Variants in DMD observed in about 807,000 individuals in gnomAD.
DMD encodes mutant dystrophin.
In DMD, 63 loss-of-function variants were observed where a neutral mutation model predicts 330.1. The ratio of observed to expected loss-of-function variants is 0.19; its 90% confidence interval spans 0.16 to 0.24. DMD has a LOEUF of 0.24. DMD is among the 10% of genes least tolerant of loss of function. The pLI is 1.00. For synonymous variants in DMD, 1,223 were observed against 959.8 expected (o/e 1.27, Z -5.07); for missense variants, 3,344 against 2,684.1 (o/e 1.25, Z -5.43).
intron 3 of DMD, among the ~76,000 whole-genome samples, chrX:32,848,122 G>C (rs754868296): frequency 8.9e-6 from 1 of 112,042 alleles, no homozygotes. Context: ...CAACACAGGA[G>C]AAGTGATCAC....
chrX:33,073,457 A>G (rs1389597033), intron 1 of DMD, among the ~76,000 whole-genome samples: 1 of 111,911 alleles, frequency 8.9e-6, no homozygotes, highest in Non-Finnish European at 1.9e-5. Context: ...CCAACTGCCA[A>G]TAAGTTTGAA....
At chrX:32,673,501 G>A (rs1394292572) in intron 9 of DMD, among the ~76,000 whole-genome samples, 1 of 111,658 alleles carries the variant, frequency 9.0e-6, no homozygotes, top group Non-Finnish European at 1.9e-5. Context: ...TAACGTGAAC[G>A]CCTTGAGAGG....
intron 34 of DMD, among the ~76,000 whole-genome samples, chrX:32,372,121 C>A (rs756578720): frequency 9.0e-6 from 1 of 111,281 alleles, no homozygotes; most frequent in East Asian, 2.8e-4. Flanking sequence ...AACATTTGAT[C>A]AGGTGATTAT....
At chrX:32,888,750 A>T (rs1362084727) in intron 2 of DMD, among the ~76,000 whole-genome samples, 2 of 111,897 alleles carry the variant, frequency 1.8e-5, no homozygotes, top group African/African-American at 6.5e-5. Flanking sequence ...CAAGATATGG[A>T]ATCAACCTAA....
At chrX:31,443,877 A>C (rs1030612725) in intron 60 of DMD, among the ~76,000 whole-genome samples, 1 of 111,793 alleles carries the variant, frequency 8.9e-6, no homozygotes, top group Middle Eastern at 4.2e-3. Context: ...TATCGTAAGA[A>C]TACTGCTACA....
chrX:33,026,709 A>G (rs1262975228), intron 1 of DMD, among the ~76,000 whole-genome samples: 1 of 111,837 alleles, frequency 8.9e-6, no homozygotes, highest in East Asian at 2.8e-4. Flanking sequence ...GGAGGTCTAA[A>G]ATAATTAAAC....
At chrX:33,284,168 G>A (rs189522131) in intron 1 of DMD, among the ~76,000 whole-genome samples, 4 of 110,607 alleles carry the variant, frequency 3.6e-5, no homozygotes, top group Non-Finnish European at 7.6e-5. Flanking sequence ...AATCATTTAT[G>A]TCTCTAGTTT....
At chrX:31,341,889 G>A (rs376062175) in intron 61 of DMD, among the ~76,000 whole-genome samples, 1,481 of 65,043 alleles carry the variant, frequency 0.023, 29 homozygotes, top group African/African-American at 0.08. Context: ...GCGTGCGCGC[G>A]CGCACACACA....
intron 63 of DMD, among the ~76,000 whole-genome samples, chrX:31,248,822 T>A (rs1282217947): frequency 3.6e-5 from 4 of 111,588 alleles, no homozygotes. Context: ...TCTGGCTAAC[T>A]GTGTCTCCTT....
intron 18 of DMD, among the ~76,000 whole-genome samples, chrX:32,515,098 A>G (rs2045727392): frequency 8.9e-6 from 1 of 111,769 alleles, no homozygotes; most frequent in African/African-American, 3.3e-5. Context: ...TGGGGGTACA[A>G]AAGAGGGATG....
intron 44 of DMD, among the ~76,000 whole-genome samples, chrX:32,126,301 T>C (rs889194790): frequency 1.8e-5 from 2 of 112,226 alleles, no homozygotes; most frequent in African/African-American, 3.2e-5. Flanking sequence ...TAAAATGGTC[T>C]GACACAGTGA....
At chrX:32,889,400 A>G (rs971081992) in intron 2 of DMD, among the ~76,000 whole-genome samples, 1 of 110,776 alleles carries the variant, frequency 9.0e-6, no homozygotes, top group Non-Finnish European at 1.9e-5. Flanking sequence ...CAAGGTCCCT[A>G]TGGGATGAAT....
intron 54 of DMD, among the ~76,000 whole-genome samples, chrX:31,638,500 G>A (rs2079544324): frequency 8.9e-6 from 1 of 112,039 alleles, no homozygotes; most frequent in African/African-American, 3.2e-5. Context: ...ATCATGAAGT[G>A]GCTTCTAAGC....
chrX:32,448,786 C>G (rs2098316053), intron 26 of DMD, 148 bp from the exon 27 acceptor site: 1 of 508,659 alleles, frequency 2.0e-6, no homozygotes, highest in Admixed American at 4.4e-5. Context: ...CAGTCTCTTC[C>G]ATAAATTTAA....
chrX:31,422,052 TTTC>T lies in DMD; in HGVS notation c.9084+22426_9084+22428del, dbSNP rs1168922022. Among the ~76,000 whole-genome samples the T allele has an allele frequency of 9.9e-4, 99 of 99,947 alleles. 1 individual carries two copies. The highest frequency in any genetic ancestry group is 3.4e-3 in the African/African-American group (90 of 26,801). The allele number at this position is 99,947 out of a possible 115,157, so 86.8% of individuals were successfully genotyped here. The stretch of plus-strand genomic sequence containing the variant: ...ACATATATATATATATATTTTTTTT[TTTC>T]TTTTTCTTTTTGAGACAGAGTCTTA... On this transcript the variant is annotated intron_variant, in intron 60 of 78. Coordinates refer to ENST00000357033, the MANE Select transcript of DMD (RefSeq NM_004006.3).
Position 32,253,107 on chromosome X carries a change from G to A in DMD, c.6290+34422C>T, listed in dbSNP as rs761846175. Reference sequence around the variant, plus strand: ...TTTGAGATATCATGGTGAGATTTAAGGATACAGAGATTAAATATATTGTCC... The same window carrying A: ...TTTGAGATATCATGGTGAGATTTAAAGATACAGAGATTAAATATATTGTCC... On this transcript the variant is annotated intron_variant, in intron 43 of 78. Transcript: ENST00000357033. 1.3e-4 allele frequency among the ~76,000 whole-genome samples: 14 copies of A among 105,441 alleles called. No individual in the cohort carries two copies. In the East Asian group the frequency reaches 3.9e-3, roughly 29 times the overall value. 91.6% of individuals were successfully genotyped at this position (105,441 alleles called of 115,157 possible). A position where few individuals can be genotyped will look rare whatever the true frequency, so the allele number is the denominator to read the frequency against.
intron 43 of DMD, among the ~76,000 whole-genome samples, chrX:32,257,415 T>A (rs2124744): frequency 1.8e-5 from 2 of 110,185 alleles, no homozygotes; most frequent in African/African-American, 3.3e-5. Context: ...GACTTCAAAC[T>A]ATACTACAAG....
chrX:32,961,564 G>C (rs2091899354), intron 2 of DMD, among the ~76,000 whole-genome samples: 1 of 111,226 alleles, frequency 9.0e-6, no homozygotes, highest in Non-Finnish European at 1.9e-5. Context: ...CAAAATTACT[G>C]ATTTTTATTA....
chrX:32,834,284 A>C (rs749626935), intron 4 of DMD, among the ~76,000 whole-genome samples: 58 of 111,779 alleles, frequency 5.2e-4, no homozygotes, highest in Non-Finnish European at 8.7e-4. Context: ...TTGTCTAACA[A>C]ATTAAATTTG....
Sources: gnomAD v4.1 joint callset for allele counts (sites outside exome capture counted in the v4.1 genomes callset) on GRCh38, gnomAD v4.1.1 for gene constraint, MANE v1.5 for transcripts, NCBI Gene and HGNC (gene_info 2026-07-23, HGNC 2026-07-21) for gene names.